HAL: variants seen among roughly 807,000 people sequenced by gnomAD.
HAL encodes the protein histidine ammonia-lyase, also known as histidase.
HAL carries 85 observed loss-of-function variants against 81.1 expected under a neutral mutation model. That is an observed-to-expected ratio of 1.05 (90% CI 0.88 to 1.25). The LOEUF (loss-of-function observed/expected upper bound fraction) is 1.25, where lower values mean the gene tolerates loss of function less well. HAL is among the 50% of genes most tolerant of loss of function. HAL has a pLI of 0.00. For synonymous variants in HAL, 301 were observed against 309.2 expected (o/e 0.97, Z 0.28); for missense variants, 798 against 836.6 (o/e 0.95, Z 0.57).
intron 4 of HAL, among the ~76,000 whole-genome samples, chr12:95,994,526 A>G (rs1357799028): frequency 6.6e-6 from 1 of 152,024 alleles, no homozygotes; most frequent in East Asian, 1.9e-4. Flanking sequence ...AGTAGCTGGT[A>G]TTACAGGTGC....
At chr12:95,978,468 T>A (rs1456725452) in intron 17 of HAL, among the ~76,000 whole-genome samples, 1 of 152,178 alleles carries the variant, frequency 6.6e-6, no homozygotes, top group Non-Finnish European at 1.5e-5. Context: ...ATTTGGGGAC[T>A]GAGGCTGGAC....
At chr12:95,983,772 G>T (rs937456417) in intron 15 of HAL, 139 bp downstream of exon 15, 4 of 683,890 alleles carry the variant, frequency 5.8e-6, no homozygotes, top group Non-Finnish European at 1.1e-5. Context: ...GTTAACCTCT[G>T]AGCCTCAGGT....
chr12:95,985,961 G>A lies in HAL; in HGVS notation c.1153C>T (p.His385Tyr). The part of the protein sequence containing the change: ...DHHPSEIAES[H>Y]RFCDRVQDAY... The stretch of plus-strand genomic sequence containing the variant: ...TCCTGGACGCGATCACAGAACCTGT[G>A]ACTCTCTGTGGAAGAGGTGGAGGGG... Residue 385 changes from histidine to tyrosine, a missense_variant, in exon 14 of 21, where the codon CAC (histidine) becomes TAC (tyrosine). His to Tyr is a moderately conservative substitution (Grantham distance 83). Coordinates refer to ENST00000261208, the MANE Select transcript of HAL (RefSeq NM_002108.4). 6.2e-7 allele frequency: 1 copy of A among 1,610,856 alleles called. No homozygotes were observed. Among genetic ancestry groups the A allele is most frequent in the Non-Finnish European group, 8.5e-7 (1 of 1,177,330 alleles).
At chr12:95,990,654 C>CA (rs1949957758) in intron 9 of HAL, 122 bp from the exon 10 acceptor site, 1 of 792,660 alleles carries the variant, frequency 1.3e-6, no homozygotes, top group East Asian at 2.5e-5. Flanking sequence ...CACTTTATGG[C>CA]ATAGATACCT....
chr12:95,993,267 G>C (rs896952302), intron 8 of HAL, among the ~76,000 whole-genome samples, 184 bp downstream of exon 8: 4 of 152,000 alleles, frequency 2.6e-5, no homozygotes, highest in Admixed American at 2.6e-4. Context: ...CCTCCACCTG[G>C]CCCATTTCTT....
In HAL at chr12:95,994,179, G is replaced by A; in HGVS notation, c.337-15C>T. 1 of 1,588,072 alleles carries A rather than the reference G, an allele frequency of 6.3e-7. No homozygotes were observed. Among genetic ancestry groups the A allele is most frequent in the African/African-American group, 1.3e-5 (1 of 74,528 alleles). On this transcript the variant is annotated splice_polypyrimidine_tract_variant and intron_variant, in intron 4 of 20. Transcript: ENST00000261208. ...AACTCGATGTACTACACAAAAGAAG[G>A]GGATCTCAGTGAGTCTGAACAGCTT... is the stretch of plus-strand genomic sequence containing the variant.
intron 9 of HAL, 24 bp from the exon 10 acceptor site, chr12:95,990,556 T>C (rs1949956507): frequency 2.5e-6 from 4 of 1,608,470 alleles, no homozygotes; most frequent in Non-Finnish European, 3.4e-6. Context: ...AGGCAGCAAT[T>C]AGTTCAAGAG....
chr12:95,992,648 CAG>C (rs1949985426), intron 9 of HAL, 30 bp downstream of exon 9: 1 of 1,597,100 alleles, frequency 6.3e-7, no homozygotes, highest in African/African-American at 1.3e-5. Context: ...CCAGCCTCCA[CAG>C]AGGTTCCGTC....
chr12:95,983,648 C>G, intron 15 of HAL: 1 of 515,722 alleles, frequency 1.9e-6, no homozygotes, highest in South Asian at 2.4e-5. Flanking sequence ...CTGGAAATAT[C>G]TTCTTAAATC....
At chr12:95,995,031 T>A in intron 2 of HAL, 38 bp from the exon 3 acceptor site, 3 of 1,419,276 alleles carry the variant, frequency 2.1e-6, no homozygotes, top group Non-Finnish European at 3.0e-6. Flanking sequence ...CAGATCACAT[T>A]GTACAGCCAT....
In HAL at chr12:95,993,834, A is replaced by C. The variant is rs760416992; in HGVS notation, c.489T>G (p.Val163=). 1 of 1,563,262 alleles carries C rather than the reference A, an allele frequency of 6.4e-7. No individual in the cohort carries two copies. Among genetic ancestry groups the C allele is most frequent in the South Asian group, 1.1e-5 (1 of 90,038 alleles). ...TCCCAAAACCTGTAGTAATACCGTA[A>C]ACAACTAGAATAAAAAGAGACATTA... is the stretch of plus-strand genomic sequence containing the variant. ...IDSIIKEKTV[V]YGITTGFGKF... The change falls in exon 7 of 21, where the codon GTT becomes GTG. Residue 163 remains valine, a synonymous_variant. Coordinates refer to ENST00000261208, the MANE Select transcript of HAL (RefSeq NM_002108.4).
At chr12:95,979,453 A>T (rs560914583) in intron 17 of HAL, among the ~76,000 whole-genome samples, 4 of 152,302 alleles carry the variant, frequency 2.6e-5, no homozygotes, top group African/African-American at 9.6e-5. Flanking sequence ...AGGTAAACTG[A>T]TCTCCATTTT....
chr12:95,993,280 T>C (rs932217795), intron 8 of HAL, among the ~76,000 whole-genome samples, 171 bp downstream of exon 8: 3 of 152,190 alleles, frequency 2.0e-5, no homozygotes, highest in Non-Finnish European at 4.4e-5. Context: ...CATTTCTTTT[T>C]CTGAGGCTCA....
chr12:95,986,690 AG>A (rs1949892940), intron 12 of HAL, among the ~76,000 whole-genome samples: 1 of 152,088 alleles, frequency 6.6e-6, no homozygotes, highest in Admixed American at 6.6e-5. Flanking sequence ...TTTCTAAATA[AG>A]CTACCAATTC....
At chr12:95,990,971 A>G (rs1246801722) in intron 9 of HAL, among the ~76,000 whole-genome samples, 2 of 152,188 alleles carry the variant, frequency 1.3e-5, no homozygotes, top group African/African-American at 4.8e-5. Context: ...TTAGCCAAGT[A>G]TGGTGGTGCA....
chr12:95,986,460 C>T (rs1394468275), intron 12 of HAL, among the ~76,000 whole-genome samples: 2 of 152,124 alleles, frequency 1.3e-5, no homozygotes, highest in African/African-American at 2.4e-5. Flanking sequence ...TCCGAAAGCA[C>T]GATTTTCCTT....
In HAL at chr12:95,986,049, A is replaced by C. The variant is rs1344407386; in HGVS notation, c.1147+16T>G. The C allele has an allele frequency of 6.3e-7, 1 of 1,594,422 alleles. No individual in the cohort carries two copies. The highest frequency in any genetic ancestry group is 1.1e-5 in the South Asian group (1 of 90,656). On this transcript the variant is annotated intron_variant, in intron 13 of 20. Transcript: ENST00000261208. ...ACACGTAACCAAATAGGTCACTCCC[A>C]TAAACATGGTCAGACCTGCTATTTC... is the stretch of plus-strand genomic sequence containing the variant.
intron 14 of HAL, among the ~76,000 whole-genome samples, chr12:95,984,569 T>G (rs953036304): frequency 2.6e-5 from 4 of 152,244 alleles, no homozygotes; most frequent in Non-Finnish European, 5.9e-5. Context: ...AAGCAGCACC[T>G]GGCTCTGGTT....
Position 95,976,441 on chromosome 12 carries a change from G to C in HAL, c.1821C>G (p.Leu607=). The C allele has an allele frequency of 6.2e-7, 1 of 1,613,420 alleles. No homozygotes were observed. Among genetic ancestry groups the C allele is most frequent in the Non-Finnish European group, 8.5e-7 (1 of 1,179,378 alleles). Residue 607 remains leucine (L), a synonymous_variant, in exon 20 of 21, where the codon CTC becomes CTG. Transcript: ENST00000261208. ...APDIEAAHRL[L]LEQKVWEVAA... The stretch of plus-strand genomic sequence containing the variant: ...GGAGCCAGCTTGCCTTCTGCTCCAG[G>C]AGCAGCCTGTGGGCTGCCTCGATGT...
Sources: gnomAD v4.1 joint callset for allele counts (sites outside exome capture counted in the v4.1 genomes callset) on GRCh38, gnomAD v4.1.1 for gene constraint, MANE v1.5 for transcripts, NCBI Gene and HGNC (gene_info 2026-07-23, HGNC 2026-07-21) for gene names.